Variants in CSMD1 observed in about 807,000 individuals in gnomAD.
CSMD1 encodes CUB and sushi domain-containing protein 1.
Under a neutral mutation model 417.5 loss-of-function variants are expected in CSMD1, and 213 were observed. The ratio of observed to expected loss-of-function variants is 0.51; its 90% confidence interval spans 0.46 to 0.57. The LOEUF is 0.57. Ranked by LOEUF, CSMD1 falls within the 20% of genes least tolerant of loss-of-function variation. The pLI is 0.00. For synonymous variants in CSMD1, 2,862 were observed against 1,736.8 expected, an observed-to-expected ratio of 1.65 and a Z score of -16.11; for missense variants, 6,923 against 4,529.7, an observed-to-expected ratio of 1.53 and a Z score of -15.17.
At chr8:4,666,395 G>T (rs1030979786) in intron 1 of CSMD1, among the ~76,000 whole-genome samples, 80 of 152,080 alleles carry the variant, frequency 5.3e-4, no homozygotes, top group African/African-American at 1.9e-3. Context: ...AACATGATAA[G>T]GACTCAATCA....
At chr8:4,100,743 T>A (rs1302518540) in intron 3 of CSMD1, among the ~76,000 whole-genome samples, 1 of 152,148 alleles carries the variant, frequency 6.6e-6, no homozygotes, top group African/African-American at 2.4e-5. Flanking sequence ...TCTAGGGAGC[T>A]GCAGGGGACT....
At chr8:4,828,208 C>A (rs553343218) in intron 1 of CSMD1, among the ~76,000 whole-genome samples, 1 of 152,162 alleles carries the variant, frequency 6.6e-6, no homozygotes, top group Non-Finnish European at 1.5e-5. Flanking sequence ...GCACTATTGT[C>A]ACTTAATATT....
At chr8:4,816,737 G>C (rs567905169) in intron 1 of CSMD1, among the ~76,000 whole-genome samples, 1 of 152,204 alleles carries the variant, frequency 6.6e-6, no homozygotes, top group East Asian at 1.9e-4. Flanking sequence ...CAATCAACTA[G>C]GAGGCTGTTG....
chr8:4,682,131 G>A (rs1806089645), intron 1 of CSMD1, among the ~76,000 whole-genome samples: 1 of 152,132 alleles, frequency 6.6e-6, no homozygotes, highest in Non-Finnish European at 1.5e-5. Context: ...CAATTCTCAT[G>A]CCTCAGCCTC....
intron 8 of CSMD1, among the ~76,000 whole-genome samples, chr8:3,599,115 T>A (rs1584942352): frequency 6.7e-6 from 1 of 148,252 alleles, no homozygotes; most frequent in Non-Finnish European, 1.5e-5. Flanking sequence ...TGGATTGCAA[T>A]TGCTTACTGC....
intron 2 of CSMD1, among the ~76,000 whole-genome samples, chr8:4,486,449 T>C (rs568693022): frequency 1.7e-3 from 257 of 151,592 alleles, no homozygotes; most frequent in Middle Eastern, 3.5e-3. Flanking sequence ...TGAACTACTA[T>C]ATATTTTAAA....
chr8:3,604,201 T>C (rs1801495173), intron 8 of CSMD1, among the ~76,000 whole-genome samples: 1 of 152,094 alleles, frequency 6.6e-6, no homozygotes, highest in South Asian at 2.1e-4. Flanking sequence ...TATATAAACA[T>C]GAATTATGCT....
intron 26 of CSMD1, among the ~76,000 whole-genome samples, chr8:3,242,700 G>C (rs112032389): frequency 6.6e-6 from 1 of 151,816 alleles, no homozygotes; most frequent in African/African-American, 2.4e-5. Flanking sequence ...AGGGCGGAAG[G>C]TTGCCCATAG....
chr8:3,052,475 C>A lies in CSMD1; in HGVS notation c.7647G>T (p.Pro2549=). ...EDGLWSNKGK[P]PTCKPVACPS... ...CTGAACACTTACGCTTACACGTGGG[C>A]GGCTTCCCCTTGTTACTCCACAACC... Residue 2549 remains proline, a synonymous_variant, in exon 50 of 70, where the codon CCG becomes CCT. Coordinates refer to ENST00000635120, the MANE Select transcript of CSMD1 (RefSeq NM_033225.6). The A allele has an allele frequency of 6.3e-7, 1 of 1,578,282 alleles. No homozygotes were observed. The highest frequency in any genetic ancestry group is 8.6e-7 in the Non-Finnish European group (1 of 1,161,254).
chr8:3,059,558 T>C (rs117841001), intron 49 of CSMD1, among the ~76,000 whole-genome samples: 2,539 of 152,178 alleles, frequency 0.017, 40 homozygotes, highest in Middle Eastern at 0.027. Flanking sequence ...ATGTAGCTTA[T>C]AGGAGGCACG....
intron 10 of CSMD1, among the ~76,000 whole-genome samples, chr8:3,525,060 T>C (rs1364261757): frequency 6.6e-6 from 1 of 152,176 alleles, no homozygotes; most frequent in Non-Finnish European, 1.5e-5. Flanking sequence ...GAATAAACTC[T>C]ATCTGAAAAG....
intron 3 of CSMD1, among the ~76,000 whole-genome samples, chr8:4,086,394 C>T (rs576618200): frequency 7.2e-5 from 11 of 152,292 alleles, no homozygotes; most frequent in Admixed American, 6.5e-5. Flanking sequence ...TCAGTACAGG[C>T]AGACAGACTT....
intron 3 of CSMD1, among the ~76,000 whole-genome samples, chr8:4,069,848 A>G (rs1427682226): frequency 2.6e-5 from 4 of 152,166 alleles, no homozygotes; most frequent in African/African-American, 4.8e-5. Flanking sequence ...GACTTCTACA[A>G]AAGTCTTCTA....
At chr8:4,319,567 T>A (rs896621769) in intron 3 of CSMD1, among the ~76,000 whole-genome samples, 1 of 152,100 alleles carries the variant, frequency 6.6e-6, no homozygotes, top group Admixed American at 6.6e-5. Context: ...CATTAATTGT[T>A]GGCTGTTGAA....
intron 5 of CSMD1, among the ~76,000 whole-genome samples, chr8:3,895,400 T>C (rs1236198654): frequency 6.6e-6 from 1 of 152,168 alleles, no homozygotes; most frequent in Admixed American, 6.5e-5. Flanking sequence ...TACTGTGTGA[T>C]TGTGGGTTTC....
chr8:4,433,906 G>A (rs576986957), intron 2 of CSMD1, among the ~76,000 whole-genome samples: 18 of 152,256 alleles, frequency 1.2e-4, no homozygotes, highest in Non-Finnish European at 2.1e-4. Context: ...CAAAAGTCAG[G>A]ATAAGAACAC....
intron 1 of CSMD1, among the ~76,000 whole-genome samples, chr8:4,646,332 T>A (rs1439189771): frequency 2.6e-5 from 4 of 152,204 alleles, no homozygotes; most frequent in African/African-American, 9.7e-5. Flanking sequence ...GTCAGTAGGA[T>A]TGAGTTGTTC....
At chr8:4,238,289 G>A (rs994299663) in intron 3 of CSMD1, among the ~76,000 whole-genome samples, 19 of 152,180 alleles carry the variant, frequency 1.2e-4, no homozygotes, top group African/African-American at 3.9e-4. Flanking sequence ...ATGAATGAAT[G>A]TGCTTCCTCC....
intron 3 of CSMD1, among the ~76,000 whole-genome samples, chr8:4,124,793 A>G (rs1032809742): frequency 1.3e-5 from 2 of 152,030 alleles, no homozygotes; most frequent in Non-Finnish European, 2.9e-5. Flanking sequence ...TTTAAGCTCT[A>G]GTTGCAGCCT....
Sources: gnomAD v4.1 joint callset for allele counts (sites outside exome capture counted in the v4.1 genomes callset) on GRCh38, gnomAD v4.1.1 for gene constraint, MANE v1.5 for transcripts, NCBI Gene and HGNC (gene_info 2026-07-23, HGNC 2026-07-21) for gene names.